Variants in USP34 observed in about 807,000 individuals in gnomAD.
The protein encoded by USP34 is ubiquitin carboxyl-terminal hydrolase 34.
In USP34, 70 loss-of-function variants were observed where a neutral mutation model predicts 460.3. The ratio of observed to expected loss-of-function variants is 0.15; its 90% CI spans 0.13 to 0.19. The LOEUF (loss-of-function observed/expected upper bound fraction) is 0.19. Ranked by LOEUF, USP34 falls within the 10% of genes least tolerant of loss-of-function variation. The probability of loss-of-function intolerance (pLI) is 1.00; values close to 1 mark genes in which losing one functional copy is unlikely to be tolerated. For synonymous variants in USP34, 1,647 were observed against 1,405.3 expected (o/e 1.17, Z -3.85); for missense variants, 3,985 against 4,236.2 (o/e 0.94, Z 1.65).
At chr2:61,243,017 C>T (rs903129051) in intron 51 of USP34, among the ~76,000 whole-genome samples, 8 of 151,358 alleles carry the variant, frequency 5.3e-5, no homozygotes, top group Admixed American at 3.3e-4. Context: ...TAATTTTTTG[C>T]GTGTTTTTAG....
At chr2:61,401,455 C>A (rs1007504542) in intron 3 of USP34, among the ~76,000 whole-genome samples, 2 of 150,940 alleles carry the variant, frequency 1.3e-5, no homozygotes, top group Non-Finnish European at 2.9e-5. Flanking sequence ...CCAGCCTAGA[C>A]TTAAACTCCT....
Position 61,433,428 on chromosome 2 carries a change from G to C in USP34, c.44-12595C>G, listed in dbSNP as rs578113942. 3.7e-4 allele frequency among the ~76,000 whole-genome samples: 57 copies of C among 152,244 alleles called. No homozygotes were observed. In the South Asian group the frequency reaches 0.011, roughly 30 times the overall value. On this transcript the variant is annotated intron_variant, in intron 1 of 79. Transcript: ENST00000398571. ...GCAGGCGGATCACTTGAGGTCATGA[G>C]TTCAAGACCACCCTGGCCAAGAAGG...
chr2:61,425,187 C>A lies in USP34; in HGVS notation c.44-4354G>T, dbSNP rs559371732. ...GCTCCACTGATCATGCCCATGCCCC[C>A]GCCAACAAGGATACCAAATTAAGAT... On this transcript the variant is annotated intron_variant, in intron 1 of 79. Coordinates refer to ENST00000398571, the MANE Select transcript of USP34 (RefSeq NM_014709.4). 1.3e-3 allele frequency among the ~76,000 whole-genome samples: 200 copies of A among 151,924 alleles called. 1 individual carries two copies. The highest frequency in any genetic ancestry group is 4.6e-3 in the African/African-American group (189 of 41,380).
At chr2:61,329,184 C>G (rs809011) in intron 20 of USP34, among the ~76,000 whole-genome samples, 2 of 150,678 alleles carry the variant, frequency 1.3e-5, no homozygotes, top group East Asian at 3.9e-4. Context: ...ACCACGCCTG[C>G]CTTTTTTTTT....
At position 61,248,528 on chromosome 2, in the gene USP34, T is replaced by C. The variant is rs770770066; in HGVS notation, c.6377A>G (p.Lys2126Arg). Residue 2126 changes from lysine (K) to arginine (R), a missense_variant, in exon 49 of 80, where the codon AAG becomes AGG. Lys to Arg is a conservative substitution (Grantham distance 26, BLOSUM62 2). Around this residue, in one of 14 missense-constraint regions of USP34, gnomAD observed 70 missense variants for 78.1 expected, o/e 0.90. Transcript: ENST00000398571. ...TPYTEDFLMG[K>R]SERKEGFKEV... ...AAAATCACCTTCTTTCCTCTCACTCTTTCCCATAAGAAAATCTTCTGTATA... is the reference window on the plus strand; with the variant it reads ...AAAATCACCTTCTTTCCTCTCACTCCTTCCCATAAGAAAATCTTCTGTATA... 8 of 1,566,010 alleles carry C rather than the reference T, an allele frequency of 5.1e-6. No individual in the cohort carries two copies. The South Asian group carries it at 8.4e-5, about 16-fold the overall frequency.
intron 5 of USP34, among the ~76,000 whole-genome samples, chr2:61,387,174 T>C (rs1558564126): frequency 6.6e-6 from 1 of 151,924 alleles, no homozygotes; most frequent in Non-Finnish European, 1.5e-5. Flanking sequence ...TAGAAATATA[T>C]AACAGGCCAG....
rs924901766 is a variant in USP34 at position 61,294,416 on chromosome 2, GT to G, written c.4461+532del. Among the ~76,000 whole-genome samples the G allele has an allele frequency of 2.9e-4, 44 of 152,000 alleles. 1 individual carries two copies. ...ATCTTTCTATTCCATTAGCCATTTA[GT>G]CCTAGACACTGGGATGTCCTCACAG... On this transcript the variant is annotated intron_variant, in intron 32 of 79. Coordinates refer to ENST00000398571, the MANE Select transcript of USP34 (RefSeq NM_014709.4).
intron 75 of USP34, among the ~76,000 whole-genome samples, chr2:61,198,064 T>G (rs1186921124): frequency 6.6e-6 from 1 of 152,186 alleles, no homozygotes; most frequent in Non-Finnish European, 1.5e-5. Flanking sequence ...GGGCCGGCAG[T>G]ACCAGTTTTC....
chr2:61,280,878 C>G (rs1229375823), intron 38 of USP34, among the ~76,000 whole-genome samples: 2 of 152,166 alleles, frequency 1.3e-5, no homozygotes, highest in African/African-American at 2.4e-5. Context: ...CATGAGAGAC[C>G]ACAGAGCTGA....
rs1686594079 is a variant in USP34 at position 61,190,261 on chromosome 2, T to C, written c.9873+10A>G. The C allele has an allele frequency of 6.2e-7, 1 of 1,603,936 alleles. No homozygotes were observed. The highest frequency in any genetic ancestry group is 1.1e-5 in the South Asian group (1 of 88,646). ...AAAAGTGTGTGCCGCCGCCTCTGCATAGTTCTTACCCCATTTAAAGAAGCA... is the reference window on the plus strand; with the variant it reads ...AAAAGTGTGTGCCGCCGCCTCTGCACAGTTCTTACCCCATTTAAAGAAGCA... On this transcript the variant is annotated intron_variant, in intron 78 of 79. Coordinates refer to ENST00000398571, the MANE Select transcript of USP34 (RefSeq NM_014709.4).
At chr2:61,201,301 C>T (rs909134129) in intron 75 of USP34, among the ~76,000 whole-genome samples, 18 of 150,482 alleles carry the variant, frequency 1.2e-4, no homozygotes, top group Admixed American at 2.0e-4. Context: ...CGGCAACCTC[C>T]GCCTCCCAGG....
chr2:61,407,110 G>A (rs1693896498), intron 2 of USP34, among the ~76,000 whole-genome samples: 1 of 152,220 alleles, frequency 6.6e-6, no homozygotes, highest in Non-Finnish European at 1.5e-5. Flanking sequence ...TCTCAGCCAG[G>A]TGCAGTGGTT....
intron 10 of USP34, among the ~76,000 whole-genome samples, chr2:61,358,124 G>A (rs550713807): frequency 6.6e-6 from 1 of 152,078 alleles, no homozygotes; most frequent in African/African-American, 2.4e-5. Flanking sequence ...CCTGGGAGGC[G>A]GAGGCTGCAG....
chr2:61,235,049 T>G, intron 57 of USP34, among the ~76,000 whole-genome samples: 1 of 152,216 alleles, frequency 6.6e-6, no homozygotes, highest in East Asian at 1.9e-4. Flanking sequence ...TAAAAAATTT[T>G]GCACAGTTTA....
intron 75 of USP34, among the ~76,000 whole-genome samples, chr2:61,196,615 C>T (rs571453426): frequency 2.0e-5 from 3 of 152,048 alleles, no homozygotes; most frequent in South Asian, 4.2e-4. Flanking sequence ...ACTGCAGCCT[C>T]GACTTTCCCA....
chr2:61,412,473 T>C (rs1694069639), intron 2 of USP34, among the ~76,000 whole-genome samples: 1 of 152,070 alleles, frequency 6.6e-6, no homozygotes, highest in Admixed American at 6.5e-5. Context: ...TCATATACCT[T>C]TTGTATATAT....
chr2:61,465,662 G>A (rs1002488343), intron 1 of USP34, among the ~76,000 whole-genome samples: 3 of 152,070 alleles, frequency 2.0e-5, no homozygotes, highest in Non-Finnish European at 4.4e-5. Flanking sequence ...GGGCAACAAT[G>A]CAAGGCCCTG....
intron 2 of USP34, among the ~76,000 whole-genome samples, chr2:61,413,404 A>C (rs1353037047): frequency 6.8e-6 from 1 of 146,876 alleles, no homozygotes; most frequent in East Asian, 2.0e-4. Flanking sequence ...AAATTAAAAT[A>C]AAAAAATAAA....
At position 61,470,773 on chromosome 2, in the gene USP34, G is replaced by A; in HGVS notation, c.-81C>T. 2 of 1,294,078 alleles carry A rather than the reference G, an allele frequency of 1.5e-6. No individual in the cohort carries two copies. The highest frequency in any genetic ancestry group is 1.3e-5 in the South Asian group (1 of 78,198). 80.2% of individuals were successfully genotyped at this position (1,294,078 alleles called of 1,614,324 possible). Reference sequence around the variant, plus strand: ...CCGGCGGGGGGGAGGGGAGAGAGGCGGAGGAGGGGGCCGGCCGGCCGGCGG... The same window carrying A: ...CCGGCGGGGGGGAGGGGAGAGAGGCAGAGGAGGGGGCCGGCCGGCCGGCGG... On this transcript the variant is annotated 5_prime_UTR_variant, in exon 1 of 80. Transcript: ENST00000398571.
Sources: gnomAD v4.1 joint callset for allele counts (sites outside exome capture counted in the v4.1 genomes callset) on GRCh38, gnomAD v4.1.1 for gene constraint, gnomAD v4.1.1 regional missense constraint, MANE v1.5 for transcripts, NCBI Gene and HGNC (gene_info 2026-07-23, HGNC 2026-07-21) for gene names.